DLST: variants seen among roughly 807,000 people sequenced by gnomAD.
The protein encoded by DLST is dihydrolipoyllysine-residue succinyltransferase component of 2-oxoglutarate dehydrogenase complex, mitochondrial.
In DLST, 17 loss-of-function variants were observed where a neutral mutation model predicts 53.1. The ratio of observed to expected loss-of-function variants is 0.32; its 90% confidence interval spans 0.22 to 0.48. The LOEUF (loss-of-function observed/expected upper bound fraction) is 0.48. Ranked by LOEUF, DLST falls within the 20% of genes least tolerant of loss-of-function variation. The pLI is 0.99. For synonymous variants in DLST, 206 were observed against 204.8 expected (o/e 1.01, Z -0.05); for missense variants, 512 against 583.9 (o/e 0.88, Z 1.27).
At chr14:74,896,936 A>G (rs965500335) in intron 10 of DLST, among the ~76,000 whole-genome samples, 1 of 152,212 alleles carries the variant, frequency 6.6e-6, no homozygotes, top group Non-Finnish European at 1.5e-5. Context: ...TTTGGTTTAG[A>G]TCGAGTGCCC....
intron 3 of DLST, among the ~76,000 whole-genome samples, chr14:74,887,255 T>C (rs1053363472): frequency 3.9e-5 from 6 of 152,250 alleles, no homozygotes; most frequent in Admixed American, 2.0e-4. Flanking sequence ...CATTTTCTAC[T>C]GTGTGGTATG....
intron 11 of DLST, among the ~76,000 whole-genome samples, chr14:74,899,063 G>C (rs1025890348): frequency 2.6e-5 from 4 of 152,176 alleles, no homozygotes; most frequent in Admixed American, 2.6e-4. Context: ...AGGGGTCAGT[G>C]CTACTTTTGC....
chr14:74,889,620 C>T lies in DLST; in HGVS notation c.274+271C>T, dbSNP rs1594874462. The T allele has an allele frequency of 1.1e-5, 6 of 539,716 alleles. No individual in the cohort carries two copies. In the East Asian group the frequency reaches 1.9e-4, roughly 17 times the overall value. 33.4% of individuals were successfully genotyped at this position (539,716 alleles called of 1,614,324 possible). A position where few individuals can be genotyped will look rare whatever the true frequency, so the allele number is the denominator to read the frequency against. ...TCCTGACCTCAGGTGATCTGCCCACCTCAGCCTGCCACAAAGTGTTGGGAT... is the reference window on the plus strand; with the variant it reads ...TCCTGACCTCAGGTGATCTGCCCACTTCAGCCTGCCACAAAGTGTTGGGAT... On this transcript the variant is annotated intron_variant, in intron 5 of 14. Coordinates refer to ENST00000334220, the MANE Select transcript of DLST (RefSeq NM_001933.5).
At chr14:74,899,847 T>G in intron 11 of DLST, 76 bp from the exon 12 acceptor site, 3 of 1,173,626 alleles carry the variant, frequency 2.6e-6, no homozygotes, top group Non-Finnish European at 3.7e-6. Flanking sequence ...ATTTTTACTC[T>G]GTTAATGCAC....
In DLST at chr14:74,882,061, TGGC is replaced by T. The variant is rs1566787230; in HGVS notation, c.63+48_63+50del. ...GGGCCCCGACGGGTGAGGAGTCTGT[TGGC>T]GGGCAGAGAGGCGGCCTGGAAGGCA... On this transcript the variant is annotated intron_variant, in intron 1 of 14. Transcript: ENST00000334220. 2.1e-6 allele frequency: 3 copies of T among 1,459,788 alleles called. No individual in the cohort carries two copies. The African/African-American group carries it at 4.4e-5, about 21-fold the overall frequency. The allele number at this position is 1,459,788 out of a possible 1,614,324, so 90.4% of individuals were successfully genotyped here.
intron 11 of DLST, 36 bp downstream of exon 11, chr14:74,898,535 G>T: frequency 6.2e-7 from 1 of 1,610,012 alleles, no homozygotes; most frequent in Non-Finnish European, 8.5e-7. Context: ...AGAGGTCCTG[G>T]GAGGTAGGTG....
At chr14:74,886,148 T>C (rs1566789146) in intron 3 of DLST, 1 of 155,238 alleles carries the variant, frequency 6.4e-6, no homozygotes, top group Non-Finnish European at 1.4e-5. Context: ...GATTAACTTC[T>C]GCGTATGAAT....
At chr14:74,898,541 A>G (rs1424472567) in intron 11 of DLST, 42 bp downstream of exon 11, 2 of 1,607,544 alleles carry the variant, frequency 1.2e-6, no homozygotes, top group Non-Finnish European at 1.7e-6. Flanking sequence ...CCTGGGAGGT[A>G]GGTGTATGAG....
At chr14:74,894,806 C>CA (rs912539044) in intron 10 of DLST, among the ~76,000 whole-genome samples, 23 of 152,020 alleles carry the variant, frequency 1.5e-4, no homozygotes, top group African/African-American at 4.8e-4. Context: ...CTCGGCCTCC[C>CA]AAAGTGCTGG....
At chr14:74,891,602 C>G (rs185066418) in intron 7 of DLST, 5 of 988,878 alleles carry the variant, frequency 5.1e-6, no homozygotes, top group Admixed American at 6.0e-5. Flanking sequence ...CTTTTCACAT[C>G]TGTTCTCTCA....
chr14:74,893,501 C>A, intron 9 of DLST, 77 bp downstream of exon 9: 1 of 1,509,640 alleles, frequency 6.6e-7, no homozygotes, highest in Non-Finnish European at 9.2e-7. Flanking sequence ...TGTGGTGATG[C>A]CTACCTTTGA....
rs768460296 is a variant in DLST, at chr14:74,893,334, CTT to C, written c.596-11_596-10del. On this transcript the variant is annotated splice_polypyrimidine_tract_variant and intron_variant, in intron 8 of 14. Transcript: ENST00000334220. The stretch of plus-strand genomic sequence containing the variant: ...TCCTTGTCTGATGCAGCTTTATCCT[CTT>C]TTCATTTTCAGTGTCTGCAGTAAAA... The C allele has an allele frequency of 1.1e-5, 18 of 1,614,068 alleles. No homozygotes were observed. Among genetic ancestry groups the C allele is most frequent in the South Asian group, 6.6e-5 (6 of 91,080 alleles).
intron 6 of DLST, among the ~76,000 whole-genome samples, chr14:74,890,852 G>A (rs1883879936): frequency 2.6e-5 from 4 of 151,966 alleles, no homozygotes; most frequent in Admixed American, 2.6e-4. Context: ...CATTTTTGTA[G>A]TTTTTAGTAG....
At position 74,891,115 on chromosome 14, in the gene DLST, T is replaced by C; in HGVS notation, c.390T>C (p.Asp130=). The C allele has an allele frequency of 6.2e-7, 1 of 1,614,122 alleles. No individual in the cohort carries two copies. The highest frequency in any genetic ancestry group is 8.5e-7 in the Non-Finnish European group (1 of 1,180,010). ...NGVIEALLVP[D]GGKVEGGTPL... ...TGATTGAAGCTCTTTTGGTACCTGA[T>C]GGGGGAAAAGTCGAAGGAGGCACTC... The change falls in exon 7 of 15, where the codon GAT becomes GAC. Residue 130 remains aspartate (D), a synonymous_variant. Transcript: ENST00000334220.
At chr14:74,889,844 A>G in intron 5 of DLST, 53 bp from the exon 6 acceptor site, 6 of 1,595,890 alleles carry the variant, frequency 3.8e-6, no homozygotes, top group Non-Finnish European at 5.1e-6. Context: ...TTTTGTGGCT[A>G]CTGGAGGCTC....
chr14:74,891,314 A>C, intron 7 of DLST, 147 bp downstream of exon 7: 8 of 1,430,678 alleles, frequency 5.6e-6, no homozygotes, highest in Non-Finnish European at 7.3e-6. Context: ...ATTTATATAT[A>C]GTGTGAACTT....
At chr14:74,890,144 T>TTG (rs1883854121) in intron 6 of DLST, among the ~76,000 whole-genome samples, 192 bp downstream of exon 6, 1 of 76,182 alleles carries the variant, frequency 1.3e-5, no homozygotes, top group South Asian at 4.4e-4. Flanking sequence ...TTTTTTTTTT[T>TTG]TTTGAGACAG....
chr14:74,883,419 G>A (rs1883600188), intron 2 of DLST, among the ~76,000 whole-genome samples: 1 of 152,126 alleles, frequency 6.6e-6, no homozygotes, highest in Non-Finnish European at 1.5e-5. Flanking sequence ...CAGAACTTAA[G>A]AGCTGGAAAA....
Position 74,889,365 on chromosome 14 carries a change from CTATTTT to C in DLST, c.274+18_274+23del, listed in dbSNP as rs1275130867. ...TGGGAGAAAGGTAAGATTTAGTTTCCTATTTTTTTTTTTTTTTTTTTTGAGACAGAG... is the reference window on the plus strand; with the variant it reads ...TGGGAGAAAGGTAAGATTTAGTTTCCTTTTTTTTTTTTTTTTGAGACAGAG... On this transcript the variant is annotated intron_variant, in intron 5 of 14. Transcript: ENST00000334220. 3 of 1,425,990 alleles carry C rather than the reference CTATTTT, an allele frequency of 2.1e-6. No homozygotes were observed. Among genetic ancestry groups the C allele is most frequent in the Non-Finnish European group, 9.5e-7 (1 of 1,056,948 alleles). The allele number at this position is 1,425,990 out of a possible 1,614,324, so 88.3% of individuals were successfully genotyped here.
Sources: allele counts gnomAD v4.1 joint callset (sites outside exome capture counted in the v4.1 genomes callset), GRCh38; gene constraint gnomAD v4.1.1; transcripts MANE v1.5; gene names NCBI Gene and HGNC (gene_info 2026-07-23, HGNC 2026-07-21).